SVIL: variants seen among roughly 807,000 people sequenced by gnomAD.
The protein encoded by SVIL is supervillin.
SVIL carries 101 observed loss-of-function variants against 240.4 expected under a neutral mutation model. That is an observed-to-expected ratio of 0.42 (90% CI 0.36 to 0.50). The LOEUF is 0.50. Ranked by LOEUF, SVIL falls within the 20% of genes least tolerant of loss-of-function variation. SVIL has a pLI of 0.01. For missense variants in SVIL, 2,512 were observed against 2,818.7 expected (o/e 0.89, Z 2.46); for synonymous variants, 999 against 1,100.0 (o/e 0.91, Z 1.82).
At position 29,695,851 on chromosome 10, in the gene SVIL, CTCTCCCTCTCCCG is replaced by C. The variant is rs1564770914; in HGVS notation, c.-399-9213_-399-9201del. On this transcript the variant is annotated intron_variant, in intron 1 of 35. Transcript: ENST00000375400. The stretch of plus-strand genomic sequence containing the variant: ...CTCTCCCTCTCCCGTCTCCCTCTCC[CTCTCCCTCTCCCG>C]TCTCCCTCTCCCTCTCCCGTCTCCC... Among the ~76,000 whole-genome samples the C allele has an allele frequency of 5.2e-4, 43 of 83,266 alleles. 1 individual carries two copies. The highest frequency in any genetic ancestry group is 1.9e-3 in the African/African-American group (31 of 16,584). 54.6% of individuals were successfully genotyped at this position (83,266 alleles called of 152,430 possible).
chr10:29,625,945 T>C (rs987632067), intron 1 of SVIL, among the ~76,000 whole-genome samples: 2 of 152,084 alleles, frequency 1.3e-5, no homozygotes, highest in Non-Finnish European at 2.9e-5. Flanking sequence ...AATTCACAAA[T>C]GCAAATTGTA....
chr10:29,666,030 C>G (rs948713477), intron 2 of SVIL, among the ~76,000 whole-genome samples: 1 of 152,222 alleles, frequency 6.6e-6, no homozygotes, highest in Non-Finnish European at 1.5e-5. Flanking sequence ...ATCCTCCCTC[C>G]TTAGCGTCTC....
rs1351916211 is a variant in SVIL at position 29,532,778 on chromosome 10, G to C, written c.1589C>G (p.Pro530Arg). 1 of 1,614,154 alleles carries C rather than the reference G, an allele frequency of 6.2e-7. No homozygotes were observed. The highest frequency in any genetic ancestry group is 8.5e-7 in the Non-Finnish European group (1 of 1,180,024). ...CGAGGCTTCCCTGTTGTGACCAGTT[G>C]GTTTGGCGTCTTGGGACACAGGCTC... ...QSEPVSQDAK[P>R]TGHNREASKK... Residue 530 changes from proline to arginine, a missense_variant, in exon 8 of 38, where the codon CCA (proline) becomes CGA (arginine). Physicochemically the swap from Pro to Arg is moderately radical, Grantham distance 103. Around this residue, in one of 3 missense-constraint regions of SVIL, gnomAD observed 1,443 missense variants for 1,486.6 expected, o/e 0.97. Coordinates refer to ENST00000355867, the MANE Select transcript of SVIL (RefSeq NM_021738.3).
intron 1 of SVIL, among the ~76,000 whole-genome samples, chr10:29,612,349 T>C (rs975155873): frequency 1.1e-4 from 17 of 152,230 alleles, no homozygotes; most frequent in African/African-American, 4.1e-4. Context: ...TTCTAGCTTC[T>C]TGTGTATTGG....
At chr10:29,477,655 G>A (rs953532081) in intron 29 of SVIL, among the ~76,000 whole-genome samples, 5 of 152,224 alleles carry the variant, frequency 3.3e-5, no homozygotes, top group African/African-American at 1.2e-4. Context: ...CGTTGGTTAC[G>A]GAGTGACTGC....
At chr10:29,594,167 T>C (rs888247443) in intron 1 of SVIL, among the ~76,000 whole-genome samples, 2 of 152,190 alleles carry the variant, frequency 1.3e-5, no homozygotes, top group African/African-American at 4.8e-5. Flanking sequence ...CTTAAGGCCA[T>C]GTATATAAGG....
chr10:29,636,033 T>C (rs778287796), upstream of SVIL, among the ~76,000 whole-genome samples: 1 of 151,972 alleles, frequency 6.6e-6, no homozygotes, highest in Non-Finnish European at 1.5e-5. Context: ...GGTGAAAAGA[T>C]GACAGGTATA....
intron 21 of SVIL, among the ~76,000 whole-genome samples, chr10:29,491,749 C>T (rs182253374): frequency 6.6e-6 from 1 of 152,270 alleles, no homozygotes; most frequent in Admixed American, 6.5e-5. Context: ...GCCCAAAAGG[C>T]GTCTTTACGT....
intron 3 of SVIL, among the ~76,000 whole-genome samples, chr10:29,645,517 C>T (rs1958626828): frequency 6.6e-6 from 1 of 152,054 alleles, no homozygotes; most frequent in East Asian, 1.9e-4. Flanking sequence ...TTGCAGTGAG[C>T]CGGGATTGTG....
intron 1 of SVIL, among the ~76,000 whole-genome samples, chr10:29,702,449 C>G (rs764701203): frequency 1.3e-5 from 2 of 152,310 alleles, no homozygotes; most frequent in African/African-American, 4.8e-5. Flanking sequence ...CATGGACCCA[C>G]AGAGCAGCCA....
At chr10:29,681,033 T>C (rs1960601919) in intron 2 of SVIL, among the ~76,000 whole-genome samples, 1 of 151,858 alleles carries the variant, frequency 6.6e-6, no homozygotes. Context: ...AGACGGAAAG[T>C]CCATGGGAGA....
intron 2 of SVIL, among the ~76,000 whole-genome samples, chr10:29,563,597 C>T (rs1293413520): frequency 1.3e-5 from 2 of 152,096 alleles, no homozygotes; most frequent in Non-Finnish European, 2.9e-5. Context: ...CTCTTCTTGA[C>T]CTAAGAATAG....
At chr10:29,715,680 A>G (rs1421807948) in intron 1 of SVIL, among the ~76,000 whole-genome samples, 1 of 152,266 alleles carries the variant, frequency 6.6e-6, no homozygotes, top group African/African-American at 2.4e-5. Flanking sequence ...AGTCATGGTC[A>G]TCAAGAGACC....
chr10:29,696,717 A>C (rs1359075878), intron 1 of SVIL, among the ~76,000 whole-genome samples: 10 of 135,410 alleles, frequency 7.4e-5, no homozygotes, highest in Non-Finnish European at 1.4e-4. Context: ...TCCTCCTGGC[A>C]ACCGCCCCGT....
At chr10:29,691,316 A>C (rs373059314) in intron 1 of SVIL, among the ~76,000 whole-genome samples, 1 of 150,114 alleles carries the variant, frequency 6.7e-6, no homozygotes, top group South Asian at 2.1e-4. Flanking sequence ...GGTTCACGCC[A>C]TTCTCCAGCC....
At chr10:29,687,354 A>G (rs1278522544) in intron 1 of SVIL, among the ~76,000 whole-genome samples, 1 of 152,222 alleles carries the variant, frequency 6.6e-6, no homozygotes, top group African/African-American at 2.4e-5. Context: ...ACCTTACCGT[A>G]TGCAAAATGT....
chr10:29,473,779 G>A (rs1436882397), intron 30 of SVIL, 59 bp downstream of exon 30: 22 of 1,607,586 alleles, frequency 1.4e-5, no homozygotes, highest in East Asian at 2.2e-5. Flanking sequence ...GAGTGCCATC[G>A]GCTCCCAGGA....
intron 20 of SVIL, 97 bp from the exon 21 acceptor site, chr10:29,493,488 C>A: frequency 7.5e-7 from 1 of 1,337,396 alleles, no homozygotes; most frequent in East Asian, 2.4e-5. Context: ...CTCCTAAGTT[C>A]CAGGAGTGGA....
chr10:29,696,740 G>A (rs1423150532), intron 1 of SVIL, among the ~76,000 whole-genome samples: 1 of 150,278 alleles, frequency 6.7e-6, no homozygotes, highest in African/African-American at 2.4e-5. Flanking sequence ...GAGAAGTGAG[G>A]AGCCCCTCCG....
Sources: allele counts gnomAD v4.1 joint callset (sites outside exome capture counted in the v4.1 genomes callset), GRCh38; gene constraint gnomAD v4.1.1; regional missense constraint gnomAD v4.1.1; transcripts MANE v1.5; gene names NCBI Gene and HGNC (gene_info 2026-07-23, HGNC 2026-07-21).